The following SHTN1 variants were observed in gnomAD, a reference collection of about 807,000 sequenced individuals.
SHTN1 encodes the protein shootin-1.
Under a neutral mutation model 83.1 loss-of-function variants are expected in SHTN1, and 42 were observed. That is an observed-to-expected ratio of 0.51 (90% confidence interval 0.39 to 0.65). SHTN1 has a LOEUF of 0.65. Among genes scored for constraint, SHTN1 ranks in the 30% least tolerant of loss-of-function variants. The pLI is 0.00. For missense variants in SHTN1, 622 were observed against 737.8 expected (o/e 0.84, Z 1.82); for synonymous variants, 224 against 247.7 (o/e 0.90, Z 0.90).
intron 2 of SHTN1, among the ~76,000 whole-genome samples, chr10:117,043,234 C>T (rs996064937): frequency 1.3e-5 from 2 of 151,788 alleles, no homozygotes; most frequent in Non-Finnish European, 2.9e-5. Context: ...CCCAGGTTCG[C>T]GCCATTCTCC....
At chr10:116,984,071 A>G (rs1200272334) in intron 1 of SHTN1, among the ~76,000 whole-genome samples, 1 of 152,174 alleles carries the variant, frequency 6.6e-6, no homozygotes, top group Non-Finnish European at 1.5e-5. Flanking sequence ...GCTAGGGTTA[A>G]TAAGAATCAT....
At chr10:117,106,721 T>C (rs1210029814) in intron 1 of SHTN1, among the ~76,000 whole-genome samples, 2 of 152,182 alleles carry the variant, frequency 1.3e-5, no homozygotes, top group African/African-American at 4.8e-5. Flanking sequence ...ACTTCTACTA[T>C]TTCTTTCCTT....
At chr10:117,097,338 G>A (rs1276172350) in intron 1 of SHTN1, among the ~76,000 whole-genome samples, 1 of 152,180 alleles carries the variant, frequency 6.6e-6, no homozygotes, top group Non-Finnish European at 1.5e-5. Context: ...AGTTTAAATT[G>A]ATTTTATAAC....
chr10:117,064,301 G>A (rs1432475394), intron 1 of SHTN1, among the ~76,000 whole-genome samples: 3 of 152,200 alleles, frequency 2.0e-5, no homozygotes, highest in Admixed American at 2.0e-4. Flanking sequence ...AAGAAAGGGA[G>A]TTTAATCCAA....
chr10:116,952,735 T>C (rs1849819902), intron 5 of SHTN1, among the ~76,000 whole-genome samples: 1 of 152,226 alleles, frequency 6.6e-6, no homozygotes, highest in Non-Finnish European at 1.5e-5. Context: ...AAATTCATAT[T>C]CTGGCCTACT....
At chr10:116,989,899 A>G (rs777577057) in intron 1 of SHTN1, among the ~76,000 whole-genome samples, 3 of 152,166 alleles carry the variant, frequency 2.0e-5, no homozygotes, top group Admixed American at 6.5e-5. Context: ...ATGAGGCTTG[A>G]GGAAAACATA....
At chr10:116,991,504 C>G (rs367808070) in intron 1 of SHTN1, among the ~76,000 whole-genome samples, 5 of 152,068 alleles carry the variant, frequency 3.3e-5, no homozygotes, top group African/African-American at 1.2e-4. Context: ...GAGAGGAAAG[C>G]AGGAGAGAAG....
At chr10:117,073,932 C>T (rs544850384) in intron 1 of SHTN1, among the ~76,000 whole-genome samples, 2 of 152,164 alleles carry the variant, frequency 1.3e-5, no homozygotes, top group Admixed American at 6.5e-5. Context: ...ATAGAGCTCC[C>T]GCTGCCTATA....
intron 14 of SHTN1, 140 bp downstream of exon 14, chr10:116,911,650 G>C: frequency 3.2e-6 from 5 of 1,564,352 alleles, no homozygotes; most frequent in South Asian, 2.3e-5. Context: ...CTGTAAGCAC[G>C]ATCAAATAAA....
intron 3 of SHTN1, among the ~76,000 whole-genome samples, chr10:116,965,995 CTTATT>C (rs1388429831): frequency 6.6e-6 from 1 of 151,796 alleles, no homozygotes; most frequent in South Asian, 2.1e-4. Flanking sequence ...TTTCTTAGTC[CTTATT>C]TTTTTTGTTT....
intron 1 of SHTN1, among the ~76,000 whole-genome samples, chr10:116,989,561 A>G (rs1851345209): frequency 6.6e-6 from 1 of 152,194 alleles, no homozygotes; most frequent in African/African-American, 2.4e-5. Flanking sequence ...TCCTGCCTAA[A>G]AACAGGATAT....
At chr10:117,025,281 T>C (rs968888870) in intron 2 of SHTN1, among the ~76,000 whole-genome samples, 3 of 152,152 alleles carry the variant, frequency 2.0e-5, no homozygotes, top group African/African-American at 7.2e-5. Flanking sequence ...GACCCAGTAC[T>C]GCCTTATAGC....
At position 116,899,988 on chromosome 10, in the gene SHTN1, A is replaced by G. The variant is rs74161332; in HGVS notation, c.1673+1777T>C. 9.7e-3 allele frequency among the ~76,000 whole-genome samples: 1,484 copies of G among 152,340 alleles called. 18 individuals are homozygous for G. The highest frequency in any genetic ancestry group is 0.034 in the African/African-American group (1,396 of 41,576). On this transcript the variant is annotated intron_variant, in intron 16 of 16. Coordinates refer to ENST00000355371, the MANE Select transcript of SHTN1 (RefSeq NM_001127211.3). ...TAAGTTAAAATTCTTTTAGTCATTA[A>G]AAGGTTTAAACATTAAATGAATGAA... is the stretch of plus-strand genomic sequence containing the variant.
At chr10:117,098,409 A>G (rs1853539232) in intron 1 of SHTN1, among the ~76,000 whole-genome samples, 1 of 151,620 alleles carries the variant, frequency 6.6e-6, no homozygotes, top group Admixed American at 6.6e-5. Flanking sequence ...AAAAAAAAAA[A>G]AAAAAAAAAA....
upstream of SHTN1, among the ~76,000 whole-genome samples, chr10:117,007,131 C>G (rs1852030600): frequency 6.6e-6 from 1 of 151,962 alleles, no homozygotes; most frequent in Non-Finnish European, 1.5e-5. Flanking sequence ...TTGCAGATAG[C>G]TGCCATGAAG....
intron 1 of SHTN1, among the ~76,000 whole-genome samples, chr10:117,092,552 G>A (rs1441410358): frequency 1.3e-5 from 2 of 152,190 alleles, no homozygotes; most frequent in African/African-American, 4.8e-5. Context: ...TAAAAACAAA[G>A]GGGAAGAAGA....
chr10:117,052,144 A>G (rs1320025673), intron 1 of SHTN1, among the ~76,000 whole-genome samples: 1 of 151,066 alleles, frequency 6.6e-6, no homozygotes, highest in Non-Finnish European at 1.5e-5. Flanking sequence ...GCAATAAGTA[A>G]TTTAAGAAGA....
chr10:117,075,432 C>A (rs966471987), intron 1 of SHTN1, among the ~76,000 whole-genome samples: 16 of 152,140 alleles, frequency 1.1e-4, no homozygotes, highest in African/African-American at 3.9e-4. Flanking sequence ...AAATAAATAC[C>A]GGGCAAATTC....
chr10:116,989,594 T>C (rs1851346020), intron 1 of SHTN1, among the ~76,000 whole-genome samples: 1 of 152,156 alleles, frequency 6.6e-6, no homozygotes, highest in African/African-American at 2.4e-5. Context: ...ACAATCCATA[T>C]CAGCTCAGCA....
Sources: allele counts gnomAD v4.1 joint callset (sites outside exome capture counted in the v4.1 genomes callset), GRCh38; gene constraint gnomAD v4.1.1; transcripts MANE v1.5; gene names NCBI Gene and HGNC (gene_info 2026-07-23, HGNC 2026-07-21).